Variants in SYNE2 observed in about 807,000 individuals in gnomAD.
SYNE2 encodes the protein spectrin repeat containing nuclear envelope protein 2, also known as nesprin-2.
A neutral mutation model predicts 856.3 loss-of-function variants in SYNE2; 431 were observed. The ratio of observed to expected loss-of-function variants is 0.50; its 90% CI spans 0.47 to 0.55. The LOEUF is 0.55. Among genes scored for constraint, SYNE2 ranks in the 20% least tolerant of loss-of-function variants. The pLI, the probability that SYNE2 is intolerant of heterozygous loss-of-function variation, is 0.00. For missense variants in SYNE2, 8,129 were observed against 8,023.2 expected (o/e 1.01, Z -0.50); for synonymous variants, 2,923 against 2,872.3 (o/e 1.02, Z -0.56).
intron 85 of SYNE2, among the ~76,000 whole-genome samples, chr14:64,157,332 G>C (rs565755911): frequency 6.6e-6 from 1 of 152,150 alleles, no homozygotes; most frequent in Admixed American, 6.5e-5. Flanking sequence ...TATATAAATA[G>C]AATCATATGC....
In SYNE2 at chr14:63,948,586, G is replaced by A. The variant is rs192607925; in HGVS notation, c.409-1239G>A. 3.0e-3 allele frequency among the ~76,000 whole-genome samples: 453 copies of A among 150,658 alleles called. 3 individuals are homozygous for A. The highest frequency in any genetic ancestry group is 3.2e-3 in the Non-Finnish European group (217 of 67,662). On this transcript the variant is annotated intron_variant, in intron 6 of 115. Transcript: ENST00000555002. ...CTGAGGCAGGAGAATCACTTGAACC[G>A]GGAGGCGGAGGTTGCAGTGAGCCGA...
chr14:64,011,568 C>T (rs1436172759), intron 32 of SYNE2, among the ~76,000 whole-genome samples: 2 of 152,154 alleles, frequency 1.3e-5, no homozygotes, highest in Non-Finnish European at 2.9e-5. Context: ...ATCAAAGTCT[C>T]TGCCTTATTC....
chr14:64,057,431 T>A (rs929203927), intron 49 of SYNE2, among the ~76,000 whole-genome samples: 1 of 152,206 alleles, frequency 6.6e-6, no homozygotes, highest in African/African-American at 2.4e-5. Flanking sequence ...GTTCCATTTA[T>A]GTTGTTGCAA....
Position 64,134,114 on chromosome 14 carries a change from C to G in SYNE2, c.14560C>G (p.Leu4854Val), listed in dbSNP as rs1475889359. Residue 4854 changes from leucine (L) to valine (V), a missense_variant, in exon 78 of 116, where the codon CTG (leucine) becomes GTG (valine). Coordinates refer to ENST00000555002, the MANE Select transcript of SYNE2 (RefSeq NM_182914.3). ...AAACTATGCATCTCTTGAAAAGGACCTGGAAATTCTTATATCTACATTGCC... is the reference window on the plus strand; with the variant it reads ...AAACTATGCATCTCTTGAAAAGGACGTGGAAATTCTTATATCTACATTGCC... The part of the protein sequence containing the change: ...DENYASLEKD[L>V]EILISTLPSV... 6.2e-7 allele frequency: 1 copy of G among 1,613,942 alleles called. No individual in the cohort carries two copies. Among genetic ancestry groups the G allele is most frequent in the Admixed American group, 1.7e-5 (1 of 60,004 alleles).
intron 7 of SYNE2, among the ~76,000 whole-genome samples, chr14:63,951,493 G>A (rs934118783): frequency 1.3e-5 from 2 of 152,116 alleles, no homozygotes; most frequent in African/African-American, 4.8e-5. Flanking sequence ...GTAGAGATGA[G>A]GTTTCATCAG....
At position 64,225,614 on chromosome 14, in the gene SYNE2, T is replaced by C. The variant is rs766308627; in HGVS notation, c.*88T>C. ...CCCCAGACCAATCTGAGTGACTTAG[T>C]GTTGGCAAGGTCCCGGGACCTGTGC... On this transcript the variant is annotated 3_prime_UTR_variant, in exon 116 of 116. Coordinates refer to ENST00000555002, the MANE Select transcript of SYNE2 (RefSeq NM_182914.3). 1 of 1,423,686 alleles carries C rather than the reference T, an allele frequency of 7.0e-7. No homozygotes were observed. Among genetic ancestry groups the C allele is most frequent in the South Asian group, 1.2e-5 (1 of 83,102 alleles). 88.2% of individuals were successfully genotyped at this position (1,423,686 alleles called of 1,614,324 possible).
At chr14:64,009,784 T>A (rs1205007832) in intron 31 of SYNE2, among the ~76,000 whole-genome samples, 182 bp from the exon 32 acceptor site, 1 of 152,206 alleles carries the variant, frequency 6.6e-6, no homozygotes, top group Non-Finnish European at 1.5e-5. Flanking sequence ...TTATGCCATC[T>A]ATTTGCCAGA....
intron 2 of SYNE2, among the ~76,000 whole-genome samples, chr14:63,939,011 T>C (rs1362173588): frequency 6.6e-6 from 1 of 152,116 alleles, no homozygotes; most frequent in Non-Finnish European, 1.5e-5. Flanking sequence ...CTGGCTGATA[T>C]AAGCAAGGAT....
In SYNE2 at chr14:63,931,814, G is replaced by T. The variant is rs113721826; in HGVS notation, c.80-8800G>T. 7.9e-5 allele frequency among the ~76,000 whole-genome samples: 12 copies of T among 152,204 alleles called. 1 individual carries two copies. The highest frequency in any genetic ancestry group is 2.4e-4 in the African/African-American group (10 of 41,530). On this transcript the variant is annotated intron_variant, in intron 2 of 115. Coordinates refer to ENST00000555002, the MANE Select transcript of SYNE2 (RefSeq NM_182914.3). ...AGTAGGAGGGAAACCTATAACTTAT[G>T]TACCAGAAGTTCAAGTTATAGTCTT...
intron 1 of SYNE2, among the ~76,000 whole-genome samples, chr14:63,783,953 T>C (rs886394086): frequency 3.3e-5 from 5 of 152,208 alleles, no homozygotes; most frequent in African/African-American, 1.2e-4. Flanking sequence ...GAGAATGTCT[T>C]TGTATTTAGA....
intron 1 of SYNE2, among the ~76,000 whole-genome samples, chr14:63,904,572 G>T (rs1158000914): frequency 6.6e-6 from 1 of 152,066 alleles, no homozygotes; most frequent in Non-Finnish European, 1.5e-5. Flanking sequence ...GATAATTAGT[G>T]ATGATAAGCA....
intron 1 of SYNE2, among the ~76,000 whole-genome samples, chr14:63,798,586 G>T (rs1411543098): frequency 6.6e-6 from 1 of 151,630 alleles, no homozygotes. Flanking sequence ...TAGACACGGG[G>T]TTTCACCATG....
intron 1 of SYNE2, among the ~76,000 whole-genome samples, chr14:63,830,356 A>G (rs1173114934): frequency 1.3e-5 from 2 of 151,842 alleles, no homozygotes; most frequent in African/African-American, 4.8e-5. Context: ...ATTAAATTGT[A>G]TACTTCAAAA....
chr14:64,166,104 C>T (rs2098376969), intron 90 of SYNE2, among the ~76,000 whole-genome samples: 1 of 152,104 alleles, frequency 6.6e-6, no homozygotes, highest in South Asian at 2.1e-4. Flanking sequence ...AGAATTAGAT[C>T]TGGTCTTGTA....
chr14:63,866,890 T>C lies in SYNE2; in HGVS notation c.-52+13747T>C, dbSNP rs140006936. Among the ~76,000 whole-genome samples, 8 of 152,254 alleles carry C rather than the reference T, an allele frequency of 5.3e-5. No individual in the cohort carries two copies. The East Asian group carries it at 1.5e-3, about 29-fold the overall frequency. ...AGGAGACTGAGATGGGAGAATTGCTTGAGCCCAGAAGATGGAGATTGTGCC... is the reference window on the plus strand; with the variant it reads ...AGGAGACTGAGATGGGAGAATTGCTCGAGCCCAGAAGATGGAGATTGTGCC... On this transcript the variant is annotated intron_variant, in intron 1 of 115. Coordinates refer to ENST00000555002, the MANE Select transcript of SYNE2 (RefSeq NM_182914.3).
At chr14:64,046,326 T>G (rs958866331) in intron 45 of SYNE2, among the ~76,000 whole-genome samples, 1 of 152,232 alleles carries the variant, frequency 6.6e-6, no homozygotes, top group African/African-American at 2.4e-5. Flanking sequence ...TACTACTGAT[T>G]GGCTTAAGAC....
chr14:63,764,553 A>AT (rs1886603932), intron 1 of SYNE2, among the ~76,000 whole-genome samples: 1 of 49,406 alleles, frequency 2.0e-5, no homozygotes, highest in Non-Finnish European at 4.4e-5. Context: ...TGTTCTTTTG[A>AT]CTCTTTTTTT....
At chr14:63,919,531 G>A (rs150293804) in intron 2 of SYNE2, among the ~76,000 whole-genome samples, 143 of 152,230 alleles carry the variant, frequency 9.4e-4, no homozygotes, top group African/African-American at 3.3e-3. Flanking sequence ...ACCTGGTGGT[G>A]GACTGAATGA....
rs55906748 is a variant in SYNE2, at chr14:63,944,824, C to CTTTTT, written c.408+2702_408+2706dup. 3.4e-3 allele frequency among the ~76,000 whole-genome samples: 160 copies of CTTTTT among 46,950 alleles called. 25 individuals carry two copies. The highest frequency in any genetic ancestry group is 0.011 in the African/African-American group (109 of 9,788). The allele number at this position is 46,950 out of a possible 152,430, so 30.8% of individuals were successfully genotyped here. A position where few individuals can be genotyped will look rare whatever the true frequency, so the allele number is the denominator to read the frequency against. ...GTGAGCCACCGTGCTGGGCTTAAAG[C>CTTTTT]TTTTTTTTTTTTTTTTTTTTTTTTT... On this transcript the variant is annotated intron_variant, in intron 6 of 115. Transcript: ENST00000555002.
Sources: gnomAD v4.1 joint callset for allele counts (sites outside exome capture counted in the v4.1 genomes callset) on GRCh38, gnomAD v4.1.1 for gene constraint, MANE v1.5 for transcripts, NCBI Gene and HGNC (gene_info 2026-07-23, HGNC 2026-07-21) for gene names.